The following ZNF711 variants were observed in gnomAD, a reference collection of about 807,000 sequenced individuals.
ZNF711 encodes the protein ZFX family zinc finger ZNF711.
Under a neutral mutation model 43.5 loss-of-function variants are expected in ZNF711, and 3 were observed. That is an observed-to-expected ratio of 0.07 (90% confidence interval 0.03 to 0.18). The LOEUF is 0.18. ZNF711 is among the 10% of genes least tolerant of loss of function. The pLI, the probability that ZNF711 is intolerant of heterozygous loss-of-function variation, is 1.00. For synonymous variants in ZNF711, 209 were observed against 207.7 expected (o/e 1.01, Z -0.06); for missense variants, 412 against 604.0 (o/e 0.68, Z 3.33).
intron 4 of ZNF711, 94 bp from the exon 5 acceptor site, chrX:85,255,158 CTTAATAT>C: frequency 1.2e-6 from 1 of 808,460 alleles, no homozygotes; most frequent in African/African-American, 2.1e-5. Flanking sequence ...GCCAAGATTA[CTTAATAT>C]TTAAGAAATA....
rs888638806 is a variant in ZNF711 at position 85,247,008 on chromosome X, C to G, written c.-207C>G. On this transcript the variant is annotated 5_prime_UTR_variant, in exon 3 of 11. Coordinates refer to ENST00000674551, the MANE Select transcript of ZNF711 (RefSeq NM_001330574.2). ...GTGAGGCCAGAAGTCCTTACTGGTT[C>G]AAAGAACTCCGGGGAAACTGGGATA... 6 of 295,635 alleles carry G rather than the reference C, an allele frequency of 2.0e-5. No homozygotes were observed. The highest frequency in any genetic ancestry group is 1.7e-4 in the African/African-American group (6 of 36,300). 24.4% of individuals were successfully genotyped at this position (295,635 alleles called of 1,213,427 possible).
chrX:85,260,567 A>C (rs1460467707), intron 5 of ZNF711, among the ~76,000 whole-genome samples: 1 of 102,278 alleles, frequency 9.8e-6, no homozygotes. Context: ...GAACTTTTTC[A>C]TCACCACAAA....
intron 6 of ZNF711, among the ~76,000 whole-genome samples, chrX:85,264,709 C>G (rs1930951861): frequency 9.0e-6 from 1 of 110,812 alleles, no homozygotes; most frequent in Non-Finnish European, 1.9e-5. Flanking sequence ...TGAGTGTTTA[C>G]AAGCATGGAT....
intron 10 of ZNF711, 47 bp from the exon 11 acceptor site, chrX:85,270,604 T>C (rs1361059619): frequency 1.8e-6 from 2 of 1,116,467 alleles, no homozygotes; most frequent in Admixed American, 4.8e-5. Context: ...TAAAATCCTT[T>C]AAAACAGTCT....
At chrX:85,247,881 T>A (rs1194290288) in intron 4 of ZNF711, among the ~76,000 whole-genome samples, 1 of 111,146 alleles carries the variant, frequency 9.0e-6, no homozygotes, top group East Asian at 2.8e-4. Context: ...GGTGGTAATA[T>A]GTTACTGGAA....
Position 85,272,893 on chromosome X carries a change from T to C in ZNF711, c.*1065T>C, listed in dbSNP as rs1249677226. The C allele has an allele frequency of 8.9e-6, 1 of 112,192 alleles. No homozygotes were observed. Among genetic ancestry groups the C allele is most frequent in the Non-Finnish European group, 1.9e-5 (1 of 53,119 alleles). 9.2% of individuals were successfully genotyped at this position (112,192 alleles called of 1,213,427 possible). A position where few individuals can be genotyped will look rare whatever the true frequency, so the allele number is the denominator to read the frequency against. ...TTGGAGGTGGATATTTAGTTTACAG[T>C]GTATAAACTTAAAATATGCATCCCT... On this transcript the variant is annotated 3_prime_UTR_variant, in exon 11 of 11. Transcript: ENST00000674551.
Position 85,270,733 on chromosome X carries a change from C to T in ZNF711, c.1329C>T (p.Phe443=), listed in dbSNP as rs766876869. Residue 443 remains phenylalanine (F), a synonymous_variant, in exon 11 of 11, where the codon TTC becomes TTT. Coordinates refer to ENST00000674551, the MANE Select transcript of ZNF711 (RefSeq NM_001330574.2). ...ICTKKFKSRG[F]LKRHMKNHPD... ...CAAAAAAGTTTAAATCCAGGGGATT[C>T]TTAAAAAGACACATGAAGAATCATC... is the stretch of plus-strand genomic sequence containing the variant. The T allele has an allele frequency of 1.7e-6, 2 of 1,206,121 alleles. No homozygotes were observed. Among genetic ancestry groups the T allele is most frequent in the South Asian group, 3.6e-5 (2 of 56,191 alleles).
At chrX:85,264,238 AT>A (rs745690399) in intron 5 of ZNF711, 36 bp from the exon 6 acceptor site, 1 of 1,129,002 alleles carries the variant, frequency 8.9e-7, no homozygotes, top group Admixed American at 2.2e-5. Context: ...TGTCAATGGT[AT>A]TTTTTGACTG....
In ZNF711 at chrX:85,264,255, A is replaced by G; in HGVS notation, c.623-20A>G. The stretch of plus-strand genomic sequence containing the variant: ...TCAATGGTATTTTTTGACTGAAATA[A>G]TTTTGTTTATATTTTATAGTGGATG... On this transcript the variant is annotated intron_variant, in intron 5 of 10. Transcript: ENST00000674551. 8.5e-7 allele frequency: 1 copy of G among 1,170,147 alleles called. No homozygotes were observed.
chrX:85,268,418 T>A, intron 9 of ZNF711, 77 bp downstream of exon 9: 1 of 1,096,834 alleles, frequency 9.1e-7, no homozygotes, highest in Non-Finnish European at 1.3e-6. Flanking sequence ...AGTAACAAGT[T>A]TGTGTCTACA....
chrX:85,255,716 T>G lies in ZNF711; in HGVS notation c.537T>G (p.Val179=). 1 of 1,211,226 alleles carries G rather than the reference T, an allele frequency of 8.3e-7. No homozygotes were observed. The highest frequency in any genetic ancestry group is 1.1e-6 in the Non-Finnish European group (1 of 895,287). Residue 179 remains valine, a synonymous_variant, in exon 5 of 11, where the codon GTT becomes GTG. Transcript: ENST00000674551. ...TETVIQAAGG[V]PGSTVTIKTE... is the part of the protein sequence containing the mutation. ...CTGTGATTCAAGCAGCTGGAGGTGT[T>G]CCTGGTTCTACAGTTACTATAAAAA...
At position 85,244,163 on chromosome X, in the gene ZNF711, G is replaced by C. The variant is rs1194609041; in HGVS notation, c.-434G>C. ...CGGCGGCGGCAGCGGCGGCGGCAGC[G>C]GCGGCGGCAGCTGTAGCTGCAGCAG... On this transcript the variant is annotated 5_prime_UTR_variant, in exon 1 of 11. Transcript: ENST00000674551. 1 of 145,212 alleles carries C rather than the reference G, an allele frequency of 6.9e-6. No homozygotes were observed. The highest frequency in any genetic ancestry group is 3.3e-5 in the African/African-American group (1 of 30,460). The allele number at this position is 145,212 out of a possible 1,213,427, so 12.0% of individuals were successfully genotyped here.
intron 10 of ZNF711, among the ~76,000 whole-genome samples, 155 bp from the exon 11 acceptor site, chrX:85,270,496 T>C (rs950425933): frequency 9.0e-6 from 1 of 111,460 alleles, no homozygotes; most frequent in African/African-American, 3.3e-5. Context: ...TACTTTGCCA[T>C]AAATTGCTTT....
chrX:85,271,590 G>T lies in ZNF711; in HGVS notation c.2186G>T (p.Arg729Ile), dbSNP rs1194971574. Residue 729 changes from arginine to isoleucine, a missense_variant, in exon 11 of 11, where the codon AGA becomes ATA. By Grantham distance (97) the Arg-to-Ile change is moderately conservative. Coordinates refer to ENST00000674551, the MANE Select transcript of ZNF711 (RefSeq NM_001330574.2). Reference sequence around the variant, plus strand: ...CCATTGAAATGTAAAAGGTGCAAGAGAGGATTCAGACAACAAAATGAGCTA... The same window carrying T: ...CCATTGAAATGTAAAAGGTGCAAGATAGGATTCAGACAACAAAATGAGCTA... ...DQPLKCKRCK[R>I]GFRQQNELKK... 1 of 1,209,389 alleles carries T rather than the reference G, an allele frequency of 8.3e-7. No individual in the cohort carries two copies. Among genetic ancestry groups the T allele is most frequent in the Non-Finnish European group, 1.1e-6 (1 of 894,843 alleles).
chrX:85,270,940 T>G lies in ZNF711; in HGVS notation c.1536T>G (p.Leu512=). 1 of 1,210,728 alleles carries G rather than the reference T, an allele frequency of 8.3e-7. No homozygotes were observed. Among genetic ancestry groups the G allele is most frequent in the Non-Finnish European group, 1.1e-6 (1 of 895,026 alleles). The part of the protein sequence containing the change: ...REASPLSSNK[L]ILRDKEPKMH... ...CTAGTCCACTGAGTTCCAATAAACT[T>G]ATTTTAAGAGACAAGGAGCCGAAGA... The change falls in exon 11 of 11, where the codon CTT becomes CTG. Residue 512 remains leucine (L), a synonymous_variant. Transcript: ENST00000674551.
intron 5 of ZNF711, among the ~76,000 whole-genome samples, chrX:85,260,132 C>T (rs189879183): frequency 9.0e-6 from 1 of 111,128 alleles, no homozygotes; most frequent in African/African-American, 3.3e-5. Context: ...AAAGCTTTTC[C>T]CATATCTACT....
chrX:85,266,647 T>G (rs1931120964), intron 7 of ZNF711, among the ~76,000 whole-genome samples: 1 of 109,846 alleles, frequency 9.1e-6, no homozygotes, highest in Non-Finnish European at 1.9e-5. Flanking sequence ...ATATTGTGGC[T>G]CTCTAGGTTT....
chrX:85,245,842 T>C (rs1253071928), intron 1 of ZNF711, 61 bp from the exon 2 acceptor site: 1 of 112,044 alleles, frequency 8.9e-6, no homozygotes, highest in Non-Finnish European at 1.9e-5. Context: ...TATTAAGTTG[T>C]GTAAGAAACT....
chrX:85,264,562 A>C (rs1186448090), intron 6 of ZNF711, 132 bp downstream of exon 6: 1 of 573,989 alleles, frequency 1.7e-6, no homozygotes, highest in Non-Finnish European at 2.7e-6. Flanking sequence ...GTCTACTTTT[A>C]AAAATTGTAT....
Sources: gnomAD v4.1 joint callset for allele counts (sites outside exome capture counted in the v4.1 genomes callset) on GRCh38, gnomAD v4.1.1 for gene constraint, MANE v1.5 for transcripts, NCBI Gene and HGNC (gene_info 2026-07-23, HGNC 2026-07-21) for gene names.